The following LY75 variants were observed in gnomAD, a reference collection of about 807,000 sequenced individuals.
LY75 encodes the protein C-type lectin domain family 13 member B.
In LY75, 185 loss-of-function variants were observed where a neutral mutation model predicts 231.7. That is an observed-to-expected ratio of 0.80 (90% CI 0.71 to 0.90). The LOEUF (loss-of-function observed/expected upper bound fraction) is 0.90. LY75 is among the 40% of genes least tolerant of loss of function. The pLI, the probability that LY75 is intolerant of heterozygous loss-of-function variation, is 0.00. For missense variants in LY75, 1,947 were observed against 2,050.2 expected (o/e 0.95, Z 0.97); for synonymous variants, 668 against 689.0 (o/e 0.97, Z 0.48).
At chr2:159,877,009 CAAAAAAAAAAAAAAA>C (rs58831835) in intron 11 of LY75, among the ~76,000 whole-genome samples, 2 of 90,548 alleles carry the variant, frequency 2.2e-5, no homozygotes, top group Non-Finnish European at 4.1e-5. Flanking sequence ...AACTCCATCT[CAAAAAAAAAAAAAAA>C]AAAAAAAAAA....
rs749043843 is a variant in LY75 at position 159,850,017 on chromosome 2, G to T, written c.3113C>A (p.Pro1038Gln). Residue 1038 changes from proline to glutamine, a missense_variant, in exon 23 of 35, where the codon CCA becomes CAA. Physicochemically the swap from Pro to Gln is moderately conservative, Grantham distance 76 (BLOSUM62 -1). Coordinates refer to ENST00000263636, the MANE Select transcript of LY75 (RefSeq NM_002349.4). ...TCTCAGCCTCCCACTAACCAATAAT[G>T]GGTGAAAGTTACTGTACGTCAGCTC... is the stretch of plus-strand genomic sequence containing the variant. Reference protein sequence around the residue: ...NRELTYSNFHPLLVSGRLRIP... With the variant: ...NRELTYSNFHQLLVSGRLRIP... The T allele has an allele frequency of 1.2e-6, 2 of 1,613,832 alleles. No individual in the cohort carries two copies. The highest frequency in any genetic ancestry group is 1.7e-6 in the Non-Finnish European group (2 of 1,179,888).
At chr2:159,875,734 G>A in intron 11 of LY75, 91 bp from the exon 12 acceptor site, 1 of 1,495,252 alleles carries the variant, frequency 6.7e-7, no homozygotes, top group Non-Finnish European at 9.0e-7. Flanking sequence ...AGCCAAGTTG[G>A]GGAGAGAGAA....
intron 1 of LY75, among the ~76,000 whole-genome samples, chr2:159,901,731 T>C (rs1341844524): frequency 6.6e-6 from 1 of 152,216 alleles, no homozygotes; most frequent in Non-Finnish European, 1.5e-5. Flanking sequence ...TCTCTGAATA[T>C]AGATGTTTTT....
intron 8 of LY75, among the ~76,000 whole-genome samples, chr2:159,879,910 T>A (rs992533227): frequency 2.6e-5 from 4 of 152,208 alleles, no homozygotes; most frequent in African/African-American, 9.6e-5. Context: ...ATTGACTACG[T>A]CACTTTGCTT....
chr2:159,900,620 G>A (rs956067790), intron 1 of LY75, among the ~76,000 whole-genome samples: 2 of 152,170 alleles, frequency 1.3e-5, no homozygotes, highest in Non-Finnish European at 2.9e-5. Context: ...GGTGACTTGA[G>A]GGGAATTTTA....
chr2:159,836,436 A>G (rs894055149), intron 25 of LY75, among the ~76,000 whole-genome samples: 2 of 152,062 alleles, frequency 1.3e-5, no homozygotes, highest in African/African-American at 4.8e-5. Flanking sequence ...ACACCCTGCC[A>G]AGGTCCTGAC....
At chr2:159,880,492 G>A (rs1685401970) in intron 8 of LY75, among the ~76,000 whole-genome samples, 2 of 152,198 alleles carry the variant, frequency 1.3e-5, no homozygotes, top group Non-Finnish European at 2.9e-5. Context: ...GCAGGCCCTG[G>A]TCCTGAGAGA....
Position 159,898,792 on chromosome 2 carries a change from T to C in LY75, c.362A>G (p.Tyr121Cys), listed in dbSNP as rs776572148. ...ATGTCCATCCTTCAGAGCCAGCCGG[T>C]ACCGGGCAGCTCCGTACAGAGAGTG... ...EHHSLYGAAR[Y>C]RLALKDGHGT... Residue 121 changes from tyrosine (Y) to cysteine (C), a missense_variant, in exon 2 of 35, where the codon TAC becomes TGC. By Grantham distance (194) the Tyr-to-Cys change is radical. Coordinates refer to ENST00000263636, the MANE Select transcript of LY75 (RefSeq NM_002349.4). The C allele has an allele frequency of 5.6e-6, 9 of 1,614,112 alleles. No individual in the cohort carries two copies. The Admixed American group carries it at 1.2e-4, about 21-fold the overall frequency.
chr2:159,904,346 C>T (rs1009084037), intron 1 of LY75, among the ~76,000 whole-genome samples: 1 of 152,252 alleles, frequency 6.6e-6, no homozygotes, highest in African/African-American at 2.4e-5. Context: ...GTCCCCTCTG[C>T]ACCAGAAGGG....
intron 13 of LY75, 116 bp from the exon 14 acceptor site, chr2:159,865,036 G>T: frequency 1.1e-6 from 1 of 909,792 alleles, no homozygotes; most frequent in East Asian, 3.1e-5. Context: ...ACATAAAGAA[G>T]TCTTTTGAAA....
rs758173705 is a variant in LY75, at chr2:159,879,263, T to C, written c.1511A>G (p.Asp504Gly). The change falls in exon 9 of 35, where the codon GAT becomes GGT. Residue 504 changes from aspartate (D) to glycine (G), a missense_variant. Coordinates refer to ENST00000263636, the MANE Select transcript of LY75 (RefSeq NM_002349.4). Reference sequence around the variant, plus strand: ...TTACATAGGGATTTTACCTACCTCATCTGGAGGACACATCTTATCAGAACT... The same window carrying C: ...TTACATAGGGATTTTACCTACCTCACCTGGAGGACACATCTTATCAGAACT... ...DASSDKMCPP[D>G]EGWKRHGETC... 3 of 1,611,874 alleles carry C rather than the reference T, an allele frequency of 1.9e-6. No individual in the cohort carries two copies. The highest frequency in any genetic ancestry group is 2.2e-5 in the East Asian group (1 of 44,826).
At chr2:159,832,104 T>C (rs1003336670) in intron 27 of LY75, among the ~76,000 whole-genome samples, 24 of 152,174 alleles carry the variant, frequency 1.6e-4, no homozygotes, top group Non-Finnish European at 2.2e-4. Flanking sequence ...AATCCACCCA[T>C]AGTAATGATA....
intron 19 of LY75, 136 bp from the exon 20 acceptor site, chr2:159,853,488 A>G: frequency 6.8e-7 from 1 of 1,469,968 alleles, no homozygotes; most frequent in Non-Finnish European, 9.3e-7. Flanking sequence ...TGATGCTAAC[A>G]TGCAAAAGGG....
chr2:159,844,663 A>G (rs911151221), intron 23 of LY75, among the ~76,000 whole-genome samples: 1 of 152,210 alleles, frequency 6.6e-6, no homozygotes, highest in South Asian at 2.1e-4. Context: ...AGAAAATCTA[A>G]TGAAAAACTC....
rs899781047 is a variant in LY75, at chr2:159,898,927, A to G, written c.227T>C (p.Phe76Ser). 1.9e-6 allele frequency: 3 copies of G among 1,614,126 alleles called. No individual in the cohort carries two copies. The Admixed American group carries it at 5.0e-5, about 27-fold the overall frequency. Residue 76 changes from phenylalanine (F) to serine (S), a missense_variant, in exon 2 of 35, where the codon TTT becomes TCT. Transcript: ENST00000263636. ...LWKWVSQHRL[F>S]HLHSQKCLGL... Reference sequence around the variant, plus strand: ...AAGGCACTTTTGGGAGTGCAAATGAAAGAGCCGATGCTGGGACACCCACTT... The same window carrying G: ...AAGGCACTTTTGGGAGTGCAAATGAGAGAGCCGATGCTGGGACACCCACTT...
In LY75 at chr2:159,885,212, C is replaced by T. The variant is rs1298726923; in HGVS notation, c.995G>A (p.Cys332Tyr). ...GCAGACATAGGGCAGTTGAGCTTCACAGGAAAAGCTCTGCCACAGACCAGA... is the reference window on the plus strand; with the variant it reads ...GCAGACATAGGGCAGTTGAGCTTCATAGGAAAAGCTCTGCCACAGACCAGA... ...AESGLWQSFS[C>Y]EAQLPYVCRK... Residue 332 changes from cysteine (C) to tyrosine (Y), a missense_variant, in exon 6 of 35, where the codon TGT (cysteine) becomes TAT (tyrosine). Cys to Tyr is a radical substitution (Grantham distance 194, BLOSUM62 -2). Transcript: ENST00000263636. 6.2e-7 allele frequency: 1 copy of T among 1,613,688 alleles called. No individual in the cohort carries two copies.
chr2:159,857,500 G>A (rs1453431478), intron 16 of LY75, among the ~76,000 whole-genome samples: 2 of 152,160 alleles, frequency 1.3e-5, no homozygotes, highest in African/African-American at 4.8e-5. Context: ...CTAGCACTTT[G>A]GGAGGCTGAG....
At chr2:159,839,813 C>T (rs892567607) in intron 25 of LY75, among the ~76,000 whole-genome samples, 8 of 151,924 alleles carry the variant, frequency 5.3e-5, no homozygotes, top group Non-Finnish European at 1.0e-4. Flanking sequence ...CAAGACCAGC[C>T]TTGCCAACAT....
At chr2:159,869,891 G>A (rs1196534238) in intron 13 of LY75, among the ~76,000 whole-genome samples, 1 of 152,160 alleles carries the variant, frequency 6.6e-6, no homozygotes, top group East Asian at 1.9e-4. Flanking sequence ...CTATTCTCAA[G>A]GTTGAGGGAA....
Sources: gnomAD v4.1 joint callset for allele counts (sites outside exome capture counted in the v4.1 genomes callset) on GRCh38, gnomAD v4.1.1 for gene constraint, MANE v1.5 for transcripts, NCBI Gene and HGNC (gene_info 2026-07-23, HGNC 2026-07-21) for gene names.